The following HHAT variants were observed in gnomAD, a reference collection of about 807,000 sequenced individuals.
HHAT encodes hedgehog acyltransferase, also known as protein-cysteine N-palmitoyltransferase HHAT.
HHAT carries 47 observed loss-of-function variants against 70.8 expected under a neutral mutation model. That is an observed-to-expected ratio of 0.66 (90% CI 0.53 to 0.85). HHAT has a LOEUF of 0.85. HHAT is among the 40% of genes least tolerant of loss of function. The pLI is 0.00. For synonymous variants in HHAT, 228 were observed against 247.6 expected, an observed-to-expected ratio of 0.92 and a Z score of 0.74; for missense variants, 609 against 604.8, an observed-to-expected ratio of 1.01 and a Z score of -0.07.
chr1:210,616,346 C>CT (rs1364021961), intron 10 of HHAT, among the ~76,000 whole-genome samples: 1 of 152,188 alleles, frequency 6.6e-6, no homozygotes, highest in Non-Finnish European at 1.5e-5. Context: ...CCAACACCCC[C>CT]TTTTCCCCCA....
At chr1:210,449,722 T>C (rs991746904) in intron 7 of HHAT, among the ~76,000 whole-genome samples, 5 of 152,226 alleles carry the variant, frequency 3.3e-5, no homozygotes, top group Admixed American at 6.5e-5. Flanking sequence ...CTAGACGGGC[T>C]AGATGATTGT....
chr1:210,468,882 TAGTGACTAAGCGCTGGC>T (rs2094151948), intron 8 of HHAT, among the ~76,000 whole-genome samples: 1 of 152,104 alleles, frequency 6.6e-6, no homozygotes, highest in Non-Finnish European at 1.5e-5. Context: ...GGCAGCAGTC[TAGTGACTAAGCGCTGGC>T]TACCTACTAG....
chr1:210,562,931 T>C (rs958591562), intron 9 of HHAT, among the ~76,000 whole-genome samples: 1 of 151,772 alleles, frequency 6.6e-6, no homozygotes, highest in East Asian at 2.0e-4. Flanking sequence ...CTTGCGATAG[T>C]TTGCTGAAAA....
intron 6 of HHAT, among the ~76,000 whole-genome samples, chr1:210,416,291 G>A (rs984620964): frequency 6.6e-6 from 1 of 152,186 alleles, no homozygotes; most frequent in African/African-American, 2.4e-5. Flanking sequence ...GGGCCTTTAT[G>A]TCATGAGCCC....
At chr1:210,416,339 C>T (rs552369729) in intron 6 of HHAT, among the ~76,000 whole-genome samples, 15 of 152,266 alleles carry the variant, frequency 9.9e-5, no homozygotes, top group African/African-American at 2.6e-4. Flanking sequence ...TTTCCTCTAC[C>T]GGCTAATGTG....
intron 3 of HHAT, among the ~76,000 whole-genome samples, chr1:210,382,914 C>T (rs1285711633): frequency 6.6e-6 from 1 of 152,188 alleles, no homozygotes. Flanking sequence ...TCCTTGGCTT[C>T]AGACAGGCCT....
At chr1:210,426,923 T>C (rs1351284277) in intron 7 of HHAT, among the ~76,000 whole-genome samples, 1 of 152,160 alleles carries the variant, frequency 6.6e-6, no homozygotes, top group Non-Finnish European at 1.5e-5. Flanking sequence ...GTGCCAGCTC[T>C]TTTTTGTACA....
chr1:210,614,018 C>CAAAAA (rs55874321), intron 10 of HHAT, among the ~76,000 whole-genome samples: 15 of 111,562 alleles, frequency 1.3e-4, no homozygotes, highest in African/African-American at 5.3e-4. Context: ...GACCCTGCCT[C>CAAAAA]AAAAAAAAAA....
intron 11 of HHAT, among the ~76,000 whole-genome samples, chr1:210,645,050 A>G (rs568434728): frequency 2.6e-5 from 4 of 152,300 alleles, no homozygotes; most frequent in African/African-American, 9.6e-5. Flanking sequence ...TTTAGTTAAT[A>G]TATTTAGTCC....
At position 210,377,439 on chromosome 1, in the gene HHAT, A is replaced by G. The variant is rs956965681; in HGVS notation, c.160-10029A>G. ...TGAAACTTAATATTTCTTTTTAAGC[A>G]TTTGATTCCTTCTTTGCTGGCTTTA... On this transcript the variant is annotated intron_variant, in intron 3 of 11. Transcript: ENST00000261458. Among the ~76,000 whole-genome samples, 7 of 152,216 alleles carry G rather than the reference A, an allele frequency of 4.6e-5. No individual in the cohort carries two copies. In the East Asian group the frequency reaches 5.8e-4, roughly 13 times the overall value.
intron 11 of HHAT, among the ~76,000 whole-genome samples, chr1:210,663,515 G>A (rs1044102004): frequency 8.5e-5 from 13 of 152,182 alleles, no homozygotes; most frequent in African/African-American, 1.9e-4. Flanking sequence ...CTTAGTTTCC[G>A]TATCTACTAA....
chr1:210,627,527 C>T (rs1670048675), intron 11 of HHAT, among the ~76,000 whole-genome samples: 1 of 152,098 alleles, frequency 6.6e-6, no homozygotes, highest in Admixed American at 6.5e-5. Context: ...AAACCAGACC[C>T]TTCCCTTTCT....
In HHAT at chr1:210,576,602, C is replaced by T. The variant is rs546142311; in HGVS notation, c.1044-11296C>T. On this transcript the variant is annotated intron_variant, in intron 9 of 11. Transcript: ENST00000261458. Reference sequence around the variant, plus strand: ...TAATGAGTGCAGCACACCAACATGACGTATGTTTACATATGTAACAAACCT... The same window carrying T: ...TAATGAGTGCAGCACACCAACATGATGTATGTTTACATATGTAACAAACCT... Among the ~76,000 whole-genome samples, 16 of 151,862 alleles carry T rather than the reference C, an allele frequency of 1.1e-4. No homozygotes were observed. The East Asian group carries it at 2.3e-3, about 22-fold the overall frequency.
At chr1:210,445,770 C>A (rs887401835) in intron 7 of HHAT, among the ~76,000 whole-genome samples, 4 of 152,150 alleles carry the variant, frequency 2.6e-5, no homozygotes, top group African/African-American at 7.2e-5. Flanking sequence ...GAAGGCTAGA[C>A]ATCTCCTGCC....
intron 7 of HHAT, among the ~76,000 whole-genome samples, chr1:210,442,856 T>C (rs1483976438): frequency 6.6e-6 from 1 of 152,190 alleles, no homozygotes; most frequent in Non-Finnish European, 1.5e-5. Context: ...TTTAGTTTAA[T>C]TAGATCCCAT....
At chr1:210,372,139 A>G (rs1459446469) in intron 3 of HHAT, among the ~76,000 whole-genome samples, 3 of 152,222 alleles carry the variant, frequency 2.0e-5, no homozygotes. Context: ...AGAGCTGTAC[A>G]CAGCCAGGAC....
intron 11 of HHAT, among the ~76,000 whole-genome samples, chr1:210,647,268 C>A (rs1349698872): frequency 6.6e-6 from 1 of 152,212 alleles, no homozygotes; most frequent in African/African-American, 2.4e-5. Context: ...TAGGGCCTAT[C>A]TTCATTGAAT....
intron 7 of HHAT, among the ~76,000 whole-genome samples, chr1:210,451,641 C>T (rs767617523): frequency 1.1e-4 from 16 of 152,178 alleles, no homozygotes; most frequent in African/African-American, 1.9e-4. Flanking sequence ...TGCAGTGGTA[C>T]GATCATAGCT....
chr1:210,577,423 G>A (rs1658073669), intron 9 of HHAT, among the ~76,000 whole-genome samples: 1 of 152,050 alleles, frequency 6.6e-6, no homozygotes, highest in South Asian at 2.1e-4. Flanking sequence ...TTTTCTCCAT[G>A]TGTTAAGATG....
Sources: allele counts gnomAD v4.1 joint callset (sites outside exome capture counted in the v4.1 genomes callset), GRCh38; gene constraint gnomAD v4.1.1; transcripts MANE v1.5; gene names NCBI Gene and HGNC (gene_info 2026-07-23, HGNC 2026-07-21).